Variants in PCDHA3 observed in about 807,000 individuals in gnomAD.
The protein encoded by PCDHA3 is protocadherin alpha 3.
A neutral mutation model predicts 62.2 loss-of-function variants in PCDHA3; 41 were observed. The observed-to-expected ratio is 0.66, with a 90% CI of 0.51 to 0.86. The LOEUF is 0.86. Ranked by LOEUF, PCDHA3 falls within the 40% of genes least tolerant of loss-of-function variation. PCDHA3 has a pLI of 0.00. For synonymous variants in PCDHA3, 640 were observed against 555.4 expected, an observed-to-expected ratio of 1.15 and a Z score of -2.14; for missense variants, 1,304 against 1,241.2, an observed-to-expected ratio of 1.05 and a Z score of -0.76.
chr5:141,006,765 G>T (rs1299930915), intron 3 of PCDHA3, among the ~76,000 whole-genome samples: 3 of 152,174 alleles, frequency 2.0e-5, no homozygotes, highest in Non-Finnish European at 4.4e-5. Context: ...ATGAAGAATA[G>T]AATAGAGAAA....
At chr5:140,887,284 G>T (rs1374515637) in intron 1 of PCDHA3, among the ~76,000 whole-genome samples, 1 of 152,044 alleles carries the variant, frequency 6.6e-6, no homozygotes, top group Non-Finnish European at 1.5e-5. Context: ...TTTTAGTAGA[G>T]ATGGGGTTTC....
At chr5:140,844,475 T>C (rs1474799888) in intron 1 of PCDHA3, among the ~76,000 whole-genome samples, 1 of 148,876 alleles carries the variant, frequency 6.7e-6, no homozygotes. Flanking sequence ...TTTTTGAGCC[T>C]CTATGTTTAG....
intron 1 of PCDHA3, chr5:140,927,106 A>C (rs782151576): frequency 6.2e-7 from 1 of 1,613,678 alleles, no homozygotes; most frequent in Non-Finnish European, 8.5e-7. Context: ...GGATCTACCC[A>C]GCGGCAATTT....
intron 1 of PCDHA3, among the ~76,000 whole-genome samples, chr5:140,963,188 G>A (rs1333064851): frequency 6.6e-6 from 1 of 151,712 alleles, no homozygotes; most frequent in African/African-American, 2.4e-5. Context: ...GCTGTAGACT[G>A]TGAAAATGAA....
chr5:140,843,489 G>T lies in PCDHA3; in HGVS notation c.2394+39898G>T, dbSNP rs2150361158. On this transcript the variant is annotated intron_variant, in intron 1 of 3. Transcript: ENST00000522353. ...CTGCTGCTGTACACTGCGCTGCGGT[G>T]CTCAGCACTGCCCACTGAGGGCGGG... The T allele has an allele frequency of 1.3e-6, 2 of 1,596,080 alleles. No homozygotes were observed. The highest frequency in any genetic ancestry group is 1.7e-6 in the Non-Finnish European group (2 of 1,165,638).
At chr5:140,830,292 C>G in intron 1 of PCDHA3, 2 of 1,613,830 alleles carry the variant, frequency 1.2e-6, no homozygotes, top group Non-Finnish European at 1.7e-6. Context: ...GCGTGCACGG[C>G]GGACAAGCCC....
chr5:140,833,197 A>C (rs2150206891), intron 1 of PCDHA3, among the ~76,000 whole-genome samples: 8 of 152,216 alleles, frequency 5.3e-5, no homozygotes, highest in Non-Finnish European at 8.8e-5. Context: ...TAAATGAAGG[A>C]GAATGAAATA....
intron 1 of PCDHA3, chr5:140,882,939 G>T: frequency 2.5e-6 from 4 of 1,614,164 alleles, no homozygotes; most frequent in Non-Finnish European, 3.4e-6. Context: ...GAGCTGACTG[G>T]CACAGTTCAG....
chr5:140,877,366 A>G (rs1358364554), intron 1 of PCDHA3: 1 of 1,613,868 alleles, frequency 6.2e-7, no homozygotes, highest in Non-Finnish European at 8.5e-7. Context: ...TGGCGAGATC[A>G]GCACGACACG....
intron 1 of PCDHA3, among the ~76,000 whole-genome samples, chr5:140,888,767 T>G (rs927723567): frequency 6.6e-6 from 1 of 152,048 alleles, no homozygotes; most frequent in Non-Finnish European, 1.5e-5. Flanking sequence ...TTTTTTTTAA[T>G]TTTGAAGGGA....
At chr5:140,873,078 T>A (rs1375879471) in intron 1 of PCDHA3, among the ~76,000 whole-genome samples, 19 of 152,184 alleles carry the variant, frequency 1.2e-4, no homozygotes, top group Admixed American at 9.2e-4. Flanking sequence ...ATCTAGCTAT[T>A]TCCCCCCCGT....
At chr5:140,949,474 G>T (rs2094384891) in intron 1 of PCDHA3, among the ~76,000 whole-genome samples, 1 of 151,524 alleles carries the variant, frequency 6.6e-6, no homozygotes, top group Admixed American at 6.6e-5. Flanking sequence ...CTGTTATTAG[G>T]CACACACATT....
Position 140,807,735 on chromosome 5 carries a change from C to T in PCDHA3, c.2394+4144C>T, listed in dbSNP as rs781794809. 10 of 1,614,160 alleles carry T rather than the reference C, an allele frequency of 6.2e-6. No homozygotes were observed. In the East Asian group the frequency reaches 2.0e-4, roughly 32 times the overall value. On this transcript the variant is annotated intron_variant, in intron 1 of 3. Transcript: ENST00000522353. ...AATGAATACTTTTCTCTGGAAAAAC[C>T]ACCTGATGACGAGCTGGTAAAAGGT...
chr5:140,861,631 C>T, intron 1 of PCDHA3: 1 of 315,060 alleles, frequency 3.2e-6, no homozygotes, highest in Non-Finnish European at 6.4e-6. Flanking sequence ...GTGTTCTCAG[C>T]AACACAAAAG....
chr5:140,977,720 A>C (rs1156806702), intron 1 of PCDHA3, among the ~76,000 whole-genome samples: 1 of 152,202 alleles, frequency 6.6e-6, no homozygotes, highest in African/African-American at 2.4e-5. Flanking sequence ...GATGGTGATC[A>C]TTTCTCTCCT....
intron 1 of PCDHA3, among the ~76,000 whole-genome samples, chr5:140,903,632 C>T (rs1554191062): frequency 6.6e-6 from 1 of 152,134 alleles, no homozygotes. Context: ...CATATGTATG[C>T]ATATACCATA....
At chr5:140,848,736 A>G (rs1339313623) in intron 1 of PCDHA3, 1 of 1,592,708 alleles carries the variant, frequency 6.3e-7, no homozygotes. Context: ...AAATCTGCAG[A>G]ATGGCATTTT....
chr5:140,850,864 C>T, intron 1 of PCDHA3: 1 of 1,593,486 alleles, frequency 6.3e-7, no homozygotes, highest in Non-Finnish European at 8.6e-7. Context: ...GGAGAACCCT[C>T]TGCTTCCTCA....
At chr5:140,876,166 G>A (rs1554168317) in intron 1 of PCDHA3, 4 of 1,613,964 alleles carry the variant, frequency 2.5e-6, no homozygotes, top group Middle Eastern at 3.3e-4. Flanking sequence ...TCAAATAACC[G>A]TCCTGGATGT....
Sources: allele counts gnomAD v4.1 joint callset (sites outside exome capture counted in the v4.1 genomes callset), GRCh38; gene constraint gnomAD v4.1.1; transcripts MANE v1.5; gene names NCBI Gene and HGNC (gene_info 2026-07-23, HGNC 2026-07-21).